THSD7B: variants seen among roughly 807,000 people sequenced by gnomAD.
The protein encoded by THSD7B is thrombospondin type 1 domain containing 7B.
In THSD7B, 138 loss-of-function variants were observed where a neutral mutation model predicts 213.6. That is an observed-to-expected ratio of 0.65 (90% CI 0.56 to 0.74). THSD7B has a LOEUF of 0.74. Ranked by LOEUF, THSD7B falls within the 30% of genes least tolerant of loss-of-function variation. THSD7B has a pLI of 0.00. For synonymous variants in THSD7B, 742 were observed against 687.0 expected, an observed-to-expected ratio of 1.08 and a Z score of -1.25; for missense variants, 1,931 against 1,991.5, an observed-to-expected ratio of 0.97 and a Z score of 0.58.
At chr2:137,135,735 C>CAGTCTCTGAACAT (rs1191858619) in intron 5 of THSD7B, among the ~76,000 whole-genome samples, 1 of 152,104 alleles carries the variant, frequency 6.6e-6, no homozygotes. Flanking sequence ...CTCAGTCACT[C>CAGTCTCTGAACAT]AGTCTCTGAA....
At chr2:137,662,512 C>T (rs976031705) in intron 25 of THSD7B, among the ~76,000 whole-genome samples, 4 of 151,934 alleles carry the variant, frequency 2.6e-5, no homozygotes, top group African/African-American at 9.7e-5. Flanking sequence ...GGTGGGGGAC[C>T]CTTCTCCTGC....
At chr2:137,019,975 T>A (rs901286196) in intron 2 of THSD7B, among the ~76,000 whole-genome samples, 1 of 152,182 alleles carries the variant, frequency 6.6e-6, no homozygotes, top group Non-Finnish European at 1.5e-5. Flanking sequence ...TAAATAGTGA[T>A]AATAATTCCT....
At chr2:137,422,371 T>A (rs1166202377) in intron 14 of THSD7B, among the ~76,000 whole-genome samples, 1 of 152,202 alleles carries the variant, frequency 6.6e-6, no homozygotes, top group Admixed American at 6.5e-5. Context: ...ATTTGCTATA[T>A]CTTGTTCATT....
At chr2:137,317,952 A>G (rs1684164985) in intron 12 of THSD7B, among the ~76,000 whole-genome samples, 1 of 152,088 alleles carries the variant, frequency 6.6e-6, no homozygotes, top group South Asian at 2.1e-4. Context: ...AAGAAAAAGG[A>G]TCCATGCTGG....
At chr2:136,831,825 C>A (rs1023575673) in intron 1 of THSD7B, among the ~76,000 whole-genome samples, 1 of 152,204 alleles carries the variant, frequency 6.6e-6, no homozygotes, top group Non-Finnish European at 1.5e-5. Context: ...TCTTCCTTTT[C>A]TTTCCTAGCC....
At chr2:137,515,205 A>G (rs2105158246) in intron 15 of THSD7B, among the ~76,000 whole-genome samples, 1 of 152,302 alleles carries the variant, frequency 6.6e-6, no homozygotes, top group Non-Finnish European at 1.5e-5. Flanking sequence ...ATGAAGCTGG[A>G]GACTCTGAGT....
intron 15 of THSD7B, among the ~76,000 whole-genome samples, chr2:137,550,285 T>C (rs748723802): frequency 3.3e-5 from 5 of 152,064 alleles, no homozygotes; most frequent in African/African-American, 1.2e-4. Flanking sequence ...TACATGTGTG[T>C]TAGTACTTGC....
chr2:137,245,396 A>G (rs951718872), intron 10 of THSD7B, among the ~76,000 whole-genome samples: 1 of 152,102 alleles, frequency 6.6e-6, no homozygotes, highest in Non-Finnish European at 1.5e-5. Flanking sequence ...GTGTTTGTAT[A>G]GTTGTATAGT....
intron 12 of THSD7B, among the ~76,000 whole-genome samples, chr2:137,398,182 T>C (rs1339748827): frequency 3.3e-5 from 5 of 150,478 alleles, no homozygotes; most frequent in African/African-American, 1.2e-4. Flanking sequence ...TCATTCTCCA[T>C]CCAGCTTTGT....
intron 4 of THSD7B, among the ~76,000 whole-genome samples, chr2:137,106,239 C>T (rs1426068799): frequency 6.6e-6 from 1 of 152,104 alleles, no homozygotes; most frequent in Non-Finnish European, 1.5e-5. Context: ...AGAAGTAATG[C>T]CACACATCTA....
intron 7 of THSD7B, among the ~76,000 whole-genome samples, chr2:137,174,502 T>A (rs1680322015): frequency 6.6e-6 from 1 of 152,202 alleles, no homozygotes; most frequent in African/African-American, 2.4e-5. Context: ...AAGAATGTGG[T>A]CTACTTTGGG....
At position 137,220,047 on chromosome 2, in the gene THSD7B, A is replaced by G. The variant is rs140942545; in HGVS notation, c.1724-10997A>G. ...TCACTCTATCCAAAATTATAAAATT[A>G]TATGTTCTAATACAGAAGTTTCAAC... On this transcript the variant is annotated intron_variant, in intron 7 of 27. Coordinates refer to ENST00000409968, the MANE Select transcript of THSD7B (RefSeq NM_001316349.2). Among the ~76,000 whole-genome samples, 8 of 152,308 alleles carry G rather than the reference A, an allele frequency of 5.3e-5. No individual in the cohort carries two copies. In the East Asian group the frequency reaches 9.6e-4, roughly 18 times the overall value.
At chr2:136,997,355 C>T (rs148639554) in intron 2 of THSD7B, among the ~76,000 whole-genome samples, 2 of 152,114 alleles carry the variant, frequency 1.3e-5, no homozygotes, top group Non-Finnish European at 2.9e-5. Context: ...ACAACATCTA[C>T]GTGCTGGGGA....
At chr2:137,193,898 T>C (rs541311764) in intron 7 of THSD7B, among the ~76,000 whole-genome samples, 20 of 151,366 alleles carry the variant, frequency 1.3e-4, no homozygotes, top group African/African-American at 4.9e-4. Flanking sequence ...CTCTGGACTT[T>C]CTCGCTCCTG....
Position 137,143,431 on chromosome 2 carries a change from A to G in THSD7B, c.1370-16782A>G, listed in dbSNP as rs143141167. Among the ~76,000 whole-genome samples, 774 of 152,272 alleles carry G rather than the reference A, an allele frequency of 5.1e-3. 2 individuals are homozygous for G. Among genetic ancestry groups the G allele is most frequent in the Non-Finnish European group, 9.2e-3 (629 of 68,014 alleles). On this transcript the variant is annotated intron_variant, in intron 5 of 27. Coordinates refer to ENST00000409968, the MANE Select transcript of THSD7B (RefSeq NM_001316349.2). ...CTTGAGGAAGCAGGCAGCAGGGTGG[A>G]AAGGAGGGATTTAGGAGTTCAACAG...
chr2:137,231,272 A>C, intron 8 of THSD7B, 37 bp downstream of exon 8: 1 of 1,544,844 alleles, frequency 6.5e-7, no homozygotes, highest in South Asian at 1.2e-5. Context: ...TGGATTCATT[A>C]GCCCAATTAT....
intron 17 of THSD7B, among the ~76,000 whole-genome samples, chr2:137,613,170 C>A (rs755543956): frequency 5.3e-5 from 8 of 152,112 alleles, no homozygotes; most frequent in Admixed American, 1.3e-4. Context: ...TTGTTTTCCA[C>A]CTTCATAGTA....
chr2:137,230,138 T>C (rs1201845321), intron 7 of THSD7B, among the ~76,000 whole-genome samples: 1 of 152,228 alleles, frequency 6.6e-6, no homozygotes, highest in African/African-American at 2.4e-5. Context: ...ATATTTGAAT[T>C]CTACTAATAG....
chr2:137,440,300 G>A (rs1043193754), intron 14 of THSD7B, among the ~76,000 whole-genome samples: 1 of 151,924 alleles, frequency 6.6e-6, no homozygotes, highest in Non-Finnish European at 1.5e-5. Context: ...CTCCAACACT[G>A]GCTGGTAGCA....
Sources: gnomAD v4.1 joint callset for allele counts (sites outside exome capture counted in the v4.1 genomes callset) on GRCh38, gnomAD v4.1.1 for gene constraint, MANE v1.5 for transcripts, NCBI Gene and HGNC (gene_info 2026-07-23, HGNC 2026-07-21) for gene names.